The following TTC29 variants were observed in gnomAD, a reference collection of about 807,000 sequenced individuals.
TTC29 encodes tetratricopeptide repeat domain 29.
Under a neutral mutation model 58.1 loss-of-function variants are expected in TTC29, and 49 were observed. That is an observed-to-expected ratio of 0.84 (90% confidence interval 0.67 to 1.07). TTC29 has a LOEUF of 1.07. TTC29 is among the 50% of genes least tolerant of loss of function. The probability of loss-of-function intolerance (pLI) is 0.00; values close to 1 mark genes in which losing one functional copy is unlikely to be tolerated. For synonymous variants in TTC29, 209 were observed against 196.8 expected (o/e 1.06, Z -0.52); for missense variants, 582 against 555.6 (o/e 1.05, Z -0.48).
At chr4:146,904,715 T>C (rs2150274793) in intron 5 of TTC29, among the ~76,000 whole-genome samples, 1 of 152,294 alleles carries the variant, frequency 6.6e-6, no homozygotes, top group East Asian at 1.9e-4. Flanking sequence ...TCTATTAGAA[T>C]TCACTGATAT....
Position 146,762,201 on chromosome 4 carries a change from C to T in TTC29, c.1330+41256G>A, listed in dbSNP as rs190206607. Among the ~76,000 whole-genome samples the T allele has an allele frequency of 2.7e-3, 418 of 152,052 alleles. 6 individuals carry two copies. Among genetic ancestry groups the T allele is most frequent in the Non-Finnish European group, 5.9e-4 (40 of 67,928 alleles). On this transcript the variant is annotated intron_variant, in intron 11 of 12. Coordinates refer to ENST00000325106, the MANE Select transcript of TTC29 (RefSeq NM_031956.4). ...TCCATCATTTTCACAAAAACTAATA[C>T]AGTGGATTCATTTCAGCCAAACTTG...
intron 11 of TTC29, among the ~76,000 whole-genome samples, chr4:146,798,886 CAAAAAAAAAAA>C (rs70958529): frequency 5.5e-5 from 1 of 18,266 alleles, no homozygotes; most frequent in Non-Finnish European, 1.0e-4. Flanking sequence ...GACTCCGTCT[CAAAAAAAAAAA>C]AAAAAAAAAA....
At chr4:146,803,354 T>C (rs1750366608) in intron 11 of TTC29, 103 bp downstream of exon 11, 2 of 850,966 alleles carry the variant, frequency 2.4e-6, no homozygotes, top group East Asian at 2.7e-5. Flanking sequence ...AAATTACCAA[T>C]CAAATTAAAA....
At chr4:146,825,851 A>T (rs1399989707) in intron 9 of TTC29, among the ~76,000 whole-genome samples, 1 of 151,906 alleles carries the variant, frequency 6.6e-6, no homozygotes, top group Non-Finnish European at 1.5e-5. Flanking sequence ...CTTTACCATT[A>T]TGTAATGCTC....
intron 8 of TTC29, among the ~76,000 whole-genome samples, 156 bp downstream of exon 8, chr4:146,867,342 T>A (rs1173779452): frequency 6.6e-6 from 1 of 152,190 alleles, no homozygotes; most frequent in East Asian, 1.9e-4. Flanking sequence ...TTTAAAATGC[T>A]TCTAGCATAT....
intron 8 of TTC29, among the ~76,000 whole-genome samples, chr4:146,856,685 TTTA>T (rs149496013): frequency 0.059 from 8,920 of 150,552 alleles, 370 homozygotes; most frequent in Admixed American, 0.13. Context: ...AACATTATTA[TTTA>T]TTAATTAATT....
At chr4:146,861,002 TG>T (rs1730197697) in intron 8 of TTC29, among the ~76,000 whole-genome samples, 1 of 152,174 alleles carries the variant, frequency 6.6e-6, no homozygotes, top group Non-Finnish European at 1.5e-5. Context: ...AATATCAATC[TG>T]TTGAATTTTG....
At chr4:146,805,681 T>A (rs1561141973) in intron 10 of TTC29, among the ~76,000 whole-genome samples, 1 of 151,320 alleles carries the variant, frequency 6.6e-6, no homozygotes, top group Non-Finnish European at 1.5e-5. Context: ...GAAGACAAGA[T>A]TAGAGAAAAA....
intron 6 of TTC29, among the ~76,000 whole-genome samples, chr4:146,884,224 A>T (rs930640736): frequency 2.0e-5 from 3 of 152,154 alleles, no homozygotes; most frequent in African/African-American, 4.8e-5. Flanking sequence ...CTAACTATCA[A>T]ATTCACTTTC....
intron 4 of TTC29, among the ~76,000 whole-genome samples, chr4:146,923,416 T>C (rs183630660): frequency 1.3e-5 from 2 of 151,778 alleles, no homozygotes; most frequent in Middle Eastern, 3.4e-3. Flanking sequence ...TAGTTCAAAA[T>C]AGAAAATCTA....
At chr4:146,862,605 T>G (rs923356311) in intron 8 of TTC29, among the ~76,000 whole-genome samples, 1 of 152,194 alleles carries the variant, frequency 6.6e-6, no homozygotes, top group Non-Finnish European at 1.5e-5. Context: ...GTTCAAATGT[T>G]GTGCTTGGCT....
At chr4:146,754,688 G>T (rs1386356306) in intron 11 of TTC29, among the ~76,000 whole-genome samples, 1 of 152,090 alleles carries the variant, frequency 6.6e-6, no homozygotes, top group Non-Finnish European at 1.5e-5. Flanking sequence ...TATCTCAATT[G>T]ACATGGAAAA....
chr4:146,903,858 G>A lies in TTC29; in HGVS notation c.401-129C>T, dbSNP rs1005225045. 5.3e-6 allele frequency: 3 copies of A among 562,478 alleles called. No homozygotes were observed. In the South Asian group the frequency reaches 2.1e-4, roughly 39 times the overall value. 34.8% of individuals were successfully genotyped at this position (562,478 alleles called of 1,614,324 possible). ...ATGTGATTACCAATTTTAAAAATTG[G>A]GTCTAAAAGCAAAAATTAATTTATT... On this transcript the variant is annotated intron_variant, in intron 5 of 12. Transcript: ENST00000325106.
At chr4:146,720,872 A>C (rs1003342440) in intron 11 of TTC29, among the ~76,000 whole-genome samples, 1 of 152,168 alleles carries the variant, frequency 6.6e-6, no homozygotes, top group Admixed American at 6.5e-5. Context: ...CACAAATGAT[A>C]ATCTCTATTC....
chr4:146,870,363 T>C (rs1323659709), intron 7 of TTC29, among the ~76,000 whole-genome samples: 1 of 151,802 alleles, frequency 6.6e-6, no homozygotes, highest in Non-Finnish European at 1.5e-5. Context: ...AAGGTGTGCA[T>C]AGAGGGACAT....
intron 10 of TTC29, among the ~76,000 whole-genome samples, chr4:146,812,540 G>T (rs146755300): frequency 3.3e-5 from 5 of 152,194 alleles, no homozygotes; most frequent in Admixed American, 2.6e-4. Flanking sequence ...ATTTTGATTA[G>T]ATCTTATTTA....
chr4:146,801,031 G>C (rs1053089039), intron 11 of TTC29, among the ~76,000 whole-genome samples: 1 of 152,156 alleles, frequency 6.6e-6, no homozygotes, highest in African/African-American at 2.4e-5. Flanking sequence ...GATTTTCCTG[G>C]ATGGGGCTAG....
intron 4 of TTC29, among the ~76,000 whole-genome samples, chr4:146,920,858 A>G (rs1734532648): frequency 6.6e-6 from 1 of 151,196 alleles, no homozygotes; most frequent in Admixed American, 6.6e-5. Context: ...GAAATACCTT[A>G]AGAGAAATGT....
At chr4:146,765,116 G>A (rs1747208810) in intron 11 of TTC29, among the ~76,000 whole-genome samples, 1 of 152,040 alleles carries the variant, frequency 6.6e-6, no homozygotes, top group South Asian at 2.1e-4. Flanking sequence ...TAAAAGTTTG[G>A]AAGAATTTTA....
Sources: allele counts gnomAD v4.1 joint callset (sites outside exome capture counted in the v4.1 genomes callset), GRCh38; gene constraint gnomAD v4.1.1; transcripts MANE v1.5; gene names NCBI Gene and HGNC (gene_info 2026-07-23, HGNC 2026-07-21).